The following PRIMPOL variants were observed in gnomAD, a reference collection of about 807,000 sequenced individuals.
PRIMPOL encodes DNA-directed primase/polymerase protein.
In PRIMPOL, 54 loss-of-function variants were observed where a neutral mutation model predicts 63.6. That is an observed-to-expected ratio of 0.85 (90% CI 0.68 to 1.07). PRIMPOL has a LOEUF of 1.07. PRIMPOL is among the 50% of genes least tolerant of loss of function. The probability of loss-of-function intolerance (pLI) is 0.00; values close to 1 mark genes in which losing one functional copy is unlikely to be tolerated. For synonymous variants in PRIMPOL, 197 were observed against 220.2 expected (o/e 0.89, Z 0.93); for missense variants, 610 against 648.3 (o/e 0.94, Z 0.64).
At chr4:184,670,433 A>G (rs1751258299) in intron 6 of PRIMPOL, among the ~76,000 whole-genome samples, 1 of 152,220 alleles carries the variant, frequency 6.6e-6, no homozygotes, top group Admixed American at 6.5e-5. Context: ...TTCATTGCAG[A>G]AGTAATCCAT....
In PRIMPOL at chr4:184,694,696, G is replaced by A; in HGVS notation, c.1600G>A (p.Ala534Thr). The stretch of plus-strand genomic sequence containing the variant: ...TACTGAAGATGCTGAATTAGCTGAA[G>A]CTGCAGAGAACAGTCTTCTCAGTTA... ...EATEDAELAEAAENSLLSYNS... is the reference protein window; with the variant it reads ...EATEDAELAETAENSLLSYNS... Residue 534 changes from alanine to threonine, a missense_variant, in exon 14 of 14, where the codon GCT becomes ACT. By Grantham distance (58) the Ala-to-Thr change is moderately conservative. Transcript: ENST00000314970. 6.2e-7 allele frequency: 1 copy of A among 1,613,864 alleles called. No homozygotes were observed. Among genetic ancestry groups the A allele is most frequent in the Non-Finnish European group, 8.5e-7 (1 of 1,179,744 alleles).
chr4:184,671,131 A>G lies in PRIMPOL; in HGVS notation c.557-1042A>G, dbSNP rs149811069. ...TTTTCTTACCAACTTTTCATGGTACAGATAGTACTGCTGTTACTCTGAGTT... is the reference window on the plus strand; with the variant it reads ...TTTTCTTACCAACTTTTCATGGTACGGATAGTACTGCTGTTACTCTGAGTT... On this transcript the variant is annotated intron_variant, in intron 6 of 13. Coordinates refer to ENST00000314970, the MANE Select transcript of PRIMPOL (RefSeq NM_152683.4). Among the ~76,000 whole-genome samples, 40 of 152,334 alleles carry G rather than the reference A, an allele frequency of 2.6e-4. No homozygotes were observed. In the East Asian group the frequency reaches 6.4e-3, roughly 24 times the overall value.
chr4:184,688,651 A>C (rs553604647), intron 11 of PRIMPOL, among the ~76,000 whole-genome samples: 2 of 152,224 alleles, frequency 1.3e-5, no homozygotes, highest in Non-Finnish European at 2.9e-5. Flanking sequence ...GAGGTTGTGA[A>C]TCACCTGCAT....
At chr4:184,693,463 G>T (rs1188555093) in intron 13 of PRIMPOL, among the ~76,000 whole-genome samples, 1 of 152,156 alleles carries the variant, frequency 6.6e-6, no homozygotes, top group African/African-American at 2.4e-5. Context: ...TTTAAAGTAA[G>T]ATATATAATG....
At chr4:184,675,774 A>G (rs1579485400) in intron 7 of PRIMPOL, among the ~76,000 whole-genome samples, 1 of 152,078 alleles carries the variant, frequency 6.6e-6, no homozygotes, top group African/African-American at 2.4e-5. Flanking sequence ...CCGAGATCAT[A>G]CCACTGCACT....
At position 184,691,601 on chromosome 4, in the gene PRIMPOL, A is replaced by C; in HGVS notation, c.1378+20A>C. 1 of 1,598,696 alleles carries C rather than the reference A, an allele frequency of 6.3e-7. No homozygotes were observed. The highest frequency in any genetic ancestry group is 8.6e-7 in the Non-Finnish European group (1 of 1,166,806). ...CTGACTGTAAGTTACTAATTTTTAC[A>C]TTTACCACAAAGTAAAAATTAGATA... On this transcript the variant is annotated intron_variant, in intron 12 of 13. Coordinates refer to ENST00000314970, the MANE Select transcript of PRIMPOL (RefSeq NM_152683.4).
chr4:184,660,401 G>A (rs748659143), intron 4 of PRIMPOL, among the ~76,000 whole-genome samples: 2 of 151,816 alleles, frequency 1.3e-5, no homozygotes, highest in East Asian at 1.9e-4. Context: ...GGCTGCTCTC[G>A]AGCTCCTGAC....
At chr4:184,657,958 A>T (rs1009786635) in intron 3 of PRIMPOL, among the ~76,000 whole-genome samples, 1 of 151,876 alleles carries the variant, frequency 6.6e-6, no homozygotes, top group East Asian at 1.9e-4. Context: ...GCGCCATTGC[A>T]CTCCAGCCTG....
chr4:184,677,673 C>A (rs1388644621), intron 7 of PRIMPOL, among the ~76,000 whole-genome samples: 5 of 152,184 alleles, frequency 3.3e-5, no homozygotes, highest in Non-Finnish European at 7.3e-5. Context: ...TTTACACAAA[C>A]AAATCCTGCT....
intron 7 of PRIMPOL, among the ~76,000 whole-genome samples, chr4:184,677,448 A>G (rs1299343925): frequency 3.3e-5 from 5 of 152,076 alleles, no homozygotes; most frequent in Non-Finnish European, 7.4e-5. Flanking sequence ...ATGTATTTTG[A>G]TCTGTTTCTA....
intron 7 of PRIMPOL, among the ~76,000 whole-genome samples, chr4:184,673,904 T>C (rs1752603858): frequency 6.6e-6 from 1 of 152,188 alleles, no homozygotes. Context: ...GCACCAGAAC[T>C]TGGAAAGACA....
intron 1 of PRIMPOL, among the ~76,000 whole-genome samples, chr4:184,650,522 G>A (rs1743997987): frequency 6.6e-6 from 1 of 152,206 alleles, no homozygotes; most frequent in Admixed American, 6.5e-5. Flanking sequence ...AGTATAGTAT[G>A]CTTGTTGGCA....
chr4:184,685,019 T>A (rs909799858), intron 9 of PRIMPOL, among the ~76,000 whole-genome samples: 5 of 152,068 alleles, frequency 3.3e-5, no homozygotes, highest in African/African-American at 1.2e-4. Flanking sequence ...TTATCTGTTG[T>A]TGAAGTTCTG....
chr4:184,657,119 TTC>T lies in PRIMPOL; in HGVS notation c.-17_-16del. 1 of 1,540,328 alleles carries T rather than the reference TTC, an allele frequency of 6.5e-7. No individual in the cohort carries two copies. The highest frequency in any genetic ancestry group is 8.8e-7 in the Non-Finnish European group (1 of 1,142,788). ...GAAATATTACGTGGGATAGGATTTA[TTC>T]TCTCCACACTTCTGAACCAATGAAT... is the stretch of plus-strand genomic sequence containing the variant. On this transcript the variant is annotated 5_prime_UTR_variant, in exon 3 of 14. Transcript: ENST00000314970.
chr4:184,677,286 T>G (rs1323240704), intron 7 of PRIMPOL, among the ~76,000 whole-genome samples: 4 of 151,982 alleles, frequency 2.6e-5, no homozygotes, highest in Non-Finnish European at 5.9e-5. Flanking sequence ...AGATCTACAG[T>G]CCACTTGGAA....
At position 184,691,473 on chromosome 4, in the gene PRIMPOL, C is replaced by CTACT. The variant is rs757112407; in HGVS notation, c.1296-25_1296-24insACTT. 163 of 1,211,880 alleles carry CTACT rather than the reference C, an allele frequency of 1.3e-4. No homozygotes were observed. The African/African-American group carries it at 2.3e-3, about 17-fold the overall frequency. 75.1% of individuals were successfully genotyped at this position (1,211,880 alleles called of 1,614,324 possible). A position where few individuals can be genotyped will look rare whatever the true frequency, so the allele number is the denominator to read the frequency against. On this transcript the variant is annotated intron_variant, in intron 11 of 13. Coordinates refer to ENST00000314970, the MANE Select transcript of PRIMPOL (RefSeq NM_152683.4). ...TTTCTACCCAGTCTTGGTATTAATA[C>CTACT]TTTTTTTTTTTTTTTAAACATAAAG...
chr4:184,652,891 AGAAGG>A lies in PRIMPOL; in HGVS notation c.-60+794_-60+798del, dbSNP rs1744983152. Among the ~76,000 whole-genome samples the A allele has an allele frequency of 1.9e-3, 15 of 7,858 alleles. 3 individuals are homozygous for A. The highest frequency in any genetic ancestry group is 2.2e-3 in the African/African-American group (15 of 6,748). 5.2% of individuals were successfully genotyped at this position (7,858 alleles called of 152,430 possible). ...GGGAGGAAGGAAGGAAAGAAGGGAAAGAAGGGAGGGAGGGAGGAAGGAGGGAAGGG... is the reference window on the plus strand; with the variant it reads ...GGGAGGAAGGAAGGAAAGAAGGGAAAGAGGGAGGGAGGAAGGAGGGAAGGG... On this transcript the variant is annotated intron_variant, in intron 2 of 13. Coordinates refer to ENST00000314970, the MANE Select transcript of PRIMPOL (RefSeq NM_152683.4).
intron 6 of PRIMPOL, among the ~76,000 whole-genome samples, chr4:184,670,715 T>C (rs1751373540): frequency 1.3e-5 from 2 of 151,854 alleles, no homozygotes; most frequent in South Asian, 2.1e-4. Flanking sequence ...ACCTGGCTAA[T>C]TTTTGTATTT....
chr4:184,660,985 G>C (rs1342959908), intron 4 of PRIMPOL, among the ~76,000 whole-genome samples: 5 of 152,190 alleles, frequency 3.3e-5, no homozygotes, highest in Admixed American at 6.5e-5. Context: ...AGCGTTGGGA[G>C]CTTATCAAAG....
Sources: gnomAD v4.1 joint callset for allele counts (sites outside exome capture counted in the v4.1 genomes callset) on GRCh38, gnomAD v4.1.1 for gene constraint, MANE v1.5 for transcripts, NCBI Gene and HGNC (gene_info 2026-07-23, HGNC 2026-07-21) for gene names.